Variants in DAD1 observed in about 807,000 individuals in gnomAD.
DAD1 encodes defender against cell death 1.
A neutral mutation model predicts 9.0 loss-of-function variants in DAD1; 4 were observed. The observed-to-expected ratio is 0.44, with a 90% CI of 0.22 to 1.01. The LOEUF (loss-of-function observed/expected upper bound fraction) is 1.01, where lower values mean the gene tolerates loss of function less well. Among genes scored for constraint, DAD1 ranks in the 50% least tolerant of loss-of-function variants. The pLI is 0.24. For synonymous variants in DAD1, 60 were observed against 62.5 expected (o/e 0.96, Z 0.19); for missense variants, 119 against 137.3 (o/e 0.87, Z 0.67).
At chr14:22,582,138 C>T (rs11625520) in intron 1 of DAD1, among the ~76,000 whole-genome samples, 16,055 of 151,800 alleles carry the variant, frequency 0.11, 873 homozygotes, top group South Asian at 0.17. Flanking sequence ...ACTCCAAGGG[C>T]GGAGGTTGCA....
At chr14:22,568,063 C>T (rs907474080) in intron 2 of DAD1, among the ~76,000 whole-genome samples, 1 of 152,166 alleles carries the variant, frequency 6.6e-6, no homozygotes, top group Non-Finnish European at 1.5e-5. Flanking sequence ...TCTGAGAGTC[C>T]TAAACATAAC....
intron 2 of DAD1, chr14:22,567,279 A>G (rs748027032): frequency 5.9e-5 from 9 of 152,250 alleles, no homozygotes; most frequent in Non-Finnish European, 1.2e-4. Flanking sequence ...TTCTCCAGCA[A>G]TATCTCTATT....
In DAD1 at chr14:22,580,939, C is replaced by CA. The variant is rs199915189; in HGVS notation, c.212-5707dup. On this transcript the variant is annotated intron_variant, in intron 1 of 2. Coordinates refer to ENST00000250498, the MANE Select transcript of DAD1 (RefSeq NM_001344.4). The stretch of plus-strand genomic sequence containing the variant: ...TCAGATGCATTGGAAACAAAAAAGG[C>CA]AAAAAAAAAAGCCTGTTCAAAATGC... Among the ~76,000 whole-genome samples the CA allele has an allele frequency of 3.4e-3, 490 of 144,002 alleles. 10 individuals carry two copies. In the South Asian group the frequency reaches 0.048, roughly 14 times the overall value. The allele number at this position is 144,002 out of a possible 152,430, so 94.5% of individuals were successfully genotyped here.
intron 2 of DAD1, among the ~76,000 whole-genome samples, chr14:22,567,562 A>C (rs1256969277): frequency 6.6e-6 from 1 of 152,226 alleles, no homozygotes; most frequent in Non-Finnish European, 1.5e-5. Flanking sequence ...AGTGTTGACA[A>C]ATCTGTCCAG....
At chr14:22,582,330 T>C (rs1447078985) in intron 1 of DAD1, among the ~76,000 whole-genome samples, 3 of 147,058 alleles carry the variant, frequency 2.0e-5, no homozygotes, top group Non-Finnish European at 3.0e-5. Flanking sequence ...CTGGCTAACA[T>C]GGTGAGACCC....
At chr14:22,571,625 CTT>C (rs869205395) in intron 2 of DAD1, among the ~76,000 whole-genome samples, 25 of 109,840 alleles carry the variant, frequency 2.3e-4, no homozygotes, top group African/African-American at 6.5e-4. Context: ...GCAAGGGGCT[CTT>C]TTTTTTTTTT....
chr14:22,575,975 G>C (rs990444268), intron 1 of DAD1, among the ~76,000 whole-genome samples: 3 of 152,112 alleles, frequency 2.0e-5, no homozygotes, highest in African/African-American at 7.2e-5. Flanking sequence ...GTATATGCTG[G>C]GGGAACAAAT....
intron 1 of DAD1, 106 bp from the exon 2 acceptor site, chr14:22,575,339 A>T: frequency 7.8e-7 from 1 of 1,276,696 alleles, no homozygotes; most frequent in Admixed American, 2.4e-5. Flanking sequence ...CTCTAACAGA[A>T]ATGAATGCAT....
chr14:22,568,982 A>C (rs2037019769), intron 2 of DAD1, among the ~76,000 whole-genome samples: 1 of 152,146 alleles, frequency 6.6e-6, no homozygotes, highest in African/African-American at 2.4e-5. Context: ...TACAGGCCTA[A>C]GCCACCGCAC....
At chr14:22,585,163 C>T (rs1282455909) in intron 1 of DAD1, among the ~76,000 whole-genome samples, 1 of 152,200 alleles carries the variant, frequency 6.6e-6, no homozygotes, top group African/African-American at 2.4e-5. Context: ...ACTAGGCCTC[C>T]TTGCCTTACA....
At chr14:22,570,969 T>C (rs575320175) in intron 2 of DAD1, among the ~76,000 whole-genome samples, 49 of 152,182 alleles carry the variant, frequency 3.2e-4, no homozygotes, top group African/African-American at 1.1e-3. Flanking sequence ...CTGTCCTTCT[T>C]TTCCTCATTA....
At chr14:22,567,661 G>C (rs1432853818) in intron 2 of DAD1, among the ~76,000 whole-genome samples, 1 of 152,216 alleles carries the variant, frequency 6.6e-6, no homozygotes, top group Non-Finnish European at 1.5e-5. Flanking sequence ...TCTTCAGTCT[G>C]TTAGCCACAT....
intron 2 of DAD1, among the ~76,000 whole-genome samples, chr14:22,572,154 TAG>T (rs1191065452): frequency 6.6e-6 from 1 of 152,192 alleles, no homozygotes; most frequent in African/African-American, 2.4e-5. Flanking sequence ...CAGAGTAGGT[TAG>T]AGTTTGTCAC....
chr14:22,575,747 C>T (rs577378459), intron 1 of DAD1, among the ~76,000 whole-genome samples: 3 of 152,272 alleles, frequency 2.0e-5, no homozygotes, highest in South Asian at 4.1e-4. Flanking sequence ...CGGGGTTTCA[C>T]CATGCTGACC....
At chr14:22,580,395 C>G (rs1313505850) in intron 1 of DAD1, among the ~76,000 whole-genome samples, 1 of 151,574 alleles carries the variant, frequency 6.6e-6, no homozygotes, top group East Asian at 1.9e-4. Context: ...CCACCGCACT[C>G]TGGCCTGGGA....
At chr14:22,583,951 T>C (rs747173772) in intron 1 of DAD1, among the ~76,000 whole-genome samples, 16 of 152,084 alleles carry the variant, frequency 1.1e-4, no homozygotes, top group Non-Finnish European at 1.8e-4. Flanking sequence ...AATAGAGTGA[T>C]TTATGAAGCC....
At position 22,580,875 on chromosome 14, in the gene DAD1, T is replaced by C. The variant is rs528695911; in HGVS notation, c.212-5642A>G. Among the ~76,000 whole-genome samples the C allele has an allele frequency of 2.0e-5, 3 of 152,246 alleles. No individual in the cohort carries two copies. In the East Asian group the frequency reaches 5.8e-4, roughly 29 times the overall value. On this transcript the variant is annotated intron_variant, in intron 1 of 2. Coordinates refer to ENST00000250498, the MANE Select transcript of DAD1 (RefSeq NM_001344.4). ...CACCTCCAGATGGAGAATTATCAAC[T>C]TTCCAGAGCCTGTGTTACTGATAAG... is the stretch of plus-strand genomic sequence containing the variant.
chr14:22,573,742 A>G lies in DAD1; in HGVS notation c.*44+1317T>C, dbSNP rs555960096. ...AAAAAAAAAAAACAGAAAAGAAAAA[A>G]AAAAAGTTTTTCACTGAAATAAACC... On this transcript the variant is annotated intron_variant, in intron 2 of 2. Transcript: ENST00000250498. 2.6e-5 allele frequency among the ~76,000 whole-genome samples: 4 copies of G among 151,906 alleles called. No homozygotes were observed. In the South Asian group the frequency reaches 8.3e-4, roughly 32 times the overall value.
chr14:22,580,290 C>A (rs2037107280), intron 1 of DAD1, among the ~76,000 whole-genome samples: 2 of 151,924 alleles, frequency 1.3e-5, no homozygotes, highest in Admixed American at 1.3e-4. Flanking sequence ...TGTGGTAGCA[C>A]ACACCTATGG....
Sources: allele counts gnomAD v4.1 joint callset (sites outside exome capture counted in the v4.1 genomes callset), GRCh38; gene constraint gnomAD v4.1.1; transcripts MANE v1.5; gene names NCBI Gene and HGNC (gene_info 2026-07-23, HGNC 2026-07-21).